The following GALNTL6 variants were observed in gnomAD, a reference collection of about 807,000 sequenced individuals.
The protein encoded by GALNTL6 is polypeptide N-acetylgalactosaminyltransferase-like 6.
A neutral mutation model predicts 73.7 loss-of-function variants in GALNTL6; 46 were observed. The observed-to-expected ratio is 0.62, with a 90% CI of 0.49 to 0.80. The LOEUF is 0.80. GALNTL6 is among the 30% of genes least tolerant of loss of function. The pLI, the probability that GALNTL6 is intolerant of heterozygous loss-of-function variation, is 0.00. For synonymous variants in GALNTL6, 259 were observed against 263.7 expected, an observed-to-expected ratio of 0.98 and a Z score of 0.17; for missense variants, 604 against 755.0, an observed-to-expected ratio of 0.80 and a Z score of 2.34.
At chr4:172,252,519 C>T (rs903156545) in intron 3 of GALNTL6, among the ~76,000 whole-genome samples, 4 of 151,634 alleles carry the variant, frequency 2.6e-5, no homozygotes, top group East Asian at 1.9e-4. Flanking sequence ...GAATTGTGGG[C>T]TGTATATAGC....
At chr4:172,710,725 T>C (rs1734651357) in intron 5 of GALNTL6, among the ~76,000 whole-genome samples, 1 of 152,170 alleles carries the variant, frequency 6.6e-6, no homozygotes, top group South Asian at 2.1e-4. Flanking sequence ...ACCCACTTGA[T>C]ATGTAATTTT....
At chr4:172,088,551 A>C (rs549602034) in intron 2 of GALNTL6, among the ~76,000 whole-genome samples, 1 of 152,326 alleles carries the variant, frequency 6.6e-6, no homozygotes, top group South Asian at 2.1e-4. Context: ...AATAGATTTA[A>C]TGCTCAGACA....
chr4:172,457,372 T>C (rs1732436792), intron 5 of GALNTL6, among the ~76,000 whole-genome samples: 1 of 152,112 alleles, frequency 6.6e-6, no homozygotes, highest in African/African-American at 2.4e-5. Context: ...ATATTAACCT[T>C]AAATATAAAT....
At chr4:171,989,031 AC>A (rs957082291) in intron 2 of GALNTL6, among the ~76,000 whole-genome samples, 138 of 152,116 alleles carry the variant, frequency 9.1e-4, no homozygotes, top group Admixed American at 3.8e-3. Flanking sequence ...GGTGGGGATA[AC>A]TAAAAAGGAG....
At chr4:172,483,650 ATTAT>A (rs1487871065) in intron 5 of GALNTL6, among the ~76,000 whole-genome samples, 1 of 152,306 alleles carries the variant, frequency 6.6e-6, no homozygotes, top group South Asian at 2.1e-4. Context: ...TGAGTGTTTA[ATTAT>A]TAATGTTTTT....
At chr4:171,873,367 A>C (rs570918314) in intron 2 of GALNTL6, among the ~76,000 whole-genome samples, 14 of 152,364 alleles carry the variant, frequency 9.2e-5, no homozygotes, top group African/African-American at 3.1e-4. Context: ...CGCCATATGT[A>C]CAAGTTACAG....
intron 2 of GALNTL6, among the ~76,000 whole-genome samples, chr4:172,215,593 TCC>T (rs1333953065): frequency 6.6e-6 from 1 of 152,158 alleles, no homozygotes; most frequent in Non-Finnish European, 1.5e-5. Context: ...TTTACTTCTA[TCC>T]TATCCTAGTC....
intron 5 of GALNTL6, among the ~76,000 whole-genome samples, chr4:172,402,607 A>C (rs954761759): frequency 2.0e-5 from 3 of 152,136 alleles, no homozygotes; most frequent in Non-Finnish European, 4.4e-5. Context: ...AGAAATAGAA[A>C]GGATTTCAAA....
chr4:172,644,460 T>G (rs1163336771), intron 5 of GALNTL6, among the ~76,000 whole-genome samples: 1 of 152,000 alleles, frequency 6.6e-6, no homozygotes, highest in Non-Finnish European at 1.5e-5. Flanking sequence ...TAATTTTCTT[T>G]TTTCTTGACT....
intron 2 of GALNTL6, among the ~76,000 whole-genome samples, chr4:171,904,365 G>C (rs532981244): frequency 4.1e-4 from 62 of 152,266 alleles, no homozygotes; most frequent in African/African-American, 1.4e-3. Context: ...CTCAGGAGCC[G>C]ATGCGATCAA....
chr4:172,355,820 CA>C (rs1742133629), intron 5 of GALNTL6, among the ~76,000 whole-genome samples: 1 of 152,112 alleles, frequency 6.6e-6, no homozygotes, highest in African/African-American at 2.4e-5. Flanking sequence ...GCTCTCTTCT[CA>C]AACATTAGTT....
chr4:171,928,158 G>A (rs57252460), intron 2 of GALNTL6, among the ~76,000 whole-genome samples: 6,462 of 152,010 alleles, frequency 0.043, 388 homozygotes, highest in African/African-American at 0.14. Context: ...TAAAACCATG[G>A]GTGATATCTA....
At chr4:172,822,633 G>C (rs1299059721) in intron 7 of GALNTL6, among the ~76,000 whole-genome samples, 5 of 152,040 alleles carry the variant, frequency 3.3e-5, no homozygotes. Context: ...GTCAGGCTAG[G>C]GCTTGAATTC....
At chr4:172,170,310 C>T (rs112473142) in intron 2 of GALNTL6, among the ~76,000 whole-genome samples, 188 of 152,188 alleles carry the variant, frequency 1.2e-3, no homozygotes, top group Admixed American at 1.8e-3. Context: ...ATCATGAGAT[C>T]TGATGGCTTT....
At chr4:172,988,229 G>C (rs1021528508) in intron 10 of GALNTL6, among the ~76,000 whole-genome samples, 2 of 152,180 alleles carry the variant, frequency 1.3e-5, no homozygotes, top group African/African-American at 4.8e-5. Flanking sequence ...TGGAGATGAG[G>C]AACTTATTGG....
intron 10 of GALNTL6, among the ~76,000 whole-genome samples, chr4:172,998,096 A>G (rs1383647309): frequency 6.6e-6 from 1 of 152,198 alleles, no homozygotes; most frequent in Non-Finnish European, 1.5e-5. Flanking sequence ...CAAAGCAATT[A>G]CATTTATGGT....
chr4:172,436,943 A>AGGC (rs1731653067), intron 5 of GALNTL6, among the ~76,000 whole-genome samples: 1 of 151,894 alleles, frequency 6.6e-6, no homozygotes, highest in Non-Finnish European at 1.5e-5. Context: ...TTTTTAAAAT[A>AGGC]TGCTTTTTAA....
intron 8 of GALNTL6, among the ~76,000 whole-genome samples, chr4:172,909,154 C>T (rs1296701787): frequency 2.0e-5 from 3 of 151,392 alleles, no homozygotes; most frequent in Non-Finnish European, 4.4e-5. Context: ...AACAACTACC[C>T]ATTTTGAAGA....
At chr4:172,170,448 G>A (rs1734776747) in intron 2 of GALNTL6, among the ~76,000 whole-genome samples, 1 of 151,176 alleles carries the variant, frequency 6.6e-6, no homozygotes, top group South Asian at 2.1e-4. Flanking sequence ...ATATGGAACT[G>A]TGAGTCAGTT....
Sources: gnomAD v4.1 joint callset for allele counts (sites outside exome capture counted in the v4.1 genomes callset) on GRCh38, gnomAD v4.1.1 for gene constraint, MANE v1.5 for transcripts, NCBI Gene and HGNC (gene_info 2026-07-23, HGNC 2026-07-21) for gene names.